TMEM244: variants seen among roughly 807,000 people sequenced by gnomAD.
TMEM244 encodes the protein putative transmembrane protein 244.
TMEM244 carries 13 observed loss-of-function variants against 15.8 expected under a neutral mutation model. The observed-to-expected ratio is 0.82, with a 90% CI of 0.53 to 1.30. TMEM244 has a LOEUF of 1.30. Ranked by LOEUF, TMEM244 falls within the 50% of genes most tolerant of loss-of-function variation. The pLI is 0.00. For missense variants in TMEM244, 161 were observed against 144.9 expected, an observed-to-expected ratio of 1.11 and a Z score of -0.57; for synonymous variants, 45 against 48.7, an observed-to-expected ratio of 0.92 and a Z score of 0.32.
At chr6:129,855,721 G>A (rs1004302530) in intron 1 of TMEM244, among the ~76,000 whole-genome samples, 5 of 152,158 alleles carry the variant, frequency 3.3e-5, no homozygotes, top group African/African-American at 1.2e-4. Flanking sequence ...AGGTAATATT[G>A]TGCATTTCCC....
Position 129,857,852 on chromosome 6 carries a change from G to GTA in TMEM244, c.33+3302_33+3303dup, listed in dbSNP as rs202092004. On this transcript the variant is annotated intron_variant, in intron 1 of 4. Coordinates refer to ENST00000368143, the MANE Select transcript of TMEM244 (RefSeq NM_001010876.2). Reference sequence around the variant, plus strand: ...TGTGTATATATATGTACATATATATGTATATATATATATCTGATCAGACAA... The same window carrying GTA: ...TGTGTATATATATGTACATATATATGTATATATATATATATCTGATCAGACAA... 9.2e-4 allele frequency among the ~76,000 whole-genome samples: 137 copies of GTA among 148,948 alleles called. 1 individual carries two copies. The highest frequency in any genetic ancestry group is 2.7e-3 in the African/African-American group (111 of 40,526).
Position 129,831,266 on chromosome 6 carries a change from AAATAT to A in TMEM244, c.*48_*52del. 1 of 1,029,852 alleles carries A rather than the reference AAATAT, an allele frequency of 9.7e-7. No individual in the cohort carries two copies. The highest frequency in any genetic ancestry group is 1.5e-6 in the Non-Finnish European group (1 of 670,938). The allele number at this position is 1,029,852 out of a possible 1,614,324, so 63.8% of individuals were successfully genotyped here. A position where few individuals can be genotyped will look rare whatever the true frequency, so the allele number is the denominator to read the frequency against. The stretch of plus-strand genomic sequence containing the variant: ...TAATTGTAAAATCTATGAGAAAATA[AAATAT>A]ATTTCCACAGTTATTCTATTTAACA... On this transcript the variant is annotated 3_prime_UTR_variant, in exon 5 of 5. Transcript: ENST00000368143.
At chr6:129,832,653 TCGGA>T (rs2114631277) in intron 4 of TMEM244, among the ~76,000 whole-genome samples, 1 of 152,274 alleles carries the variant, frequency 6.6e-6, no homozygotes, top group African/African-American at 2.4e-5. Context: ...TAGACACATG[TCGGA>T]CAATTTCTCA....
At chr6:129,831,442 A>G in intron 4 of TMEM244, 56 bp from the exon 5 acceptor site, 1 of 1,235,950 alleles carries the variant, frequency 8.1e-7, no homozygotes, top group Non-Finnish European at 1.2e-6. Flanking sequence ...ATTTTGCTCA[A>G]GAAGAAATAC....
rs1192804169 is a variant in TMEM244, at chr6:129,861,140, A to G, written c.33+16T>C. 3.7e-6 allele frequency: 6 copies of G among 1,613,598 alleles called. 1 individual carries two copies. In the South Asian group the frequency reaches 6.6e-5, roughly 18 times the overall value. The stretch of plus-strand genomic sequence containing the variant: ...CAGCAACTGAAAGGCAATGCAAAGA[A>G]GTAATTTCTCTTTACCTTGCTTGGA... On this transcript the variant is annotated intron_variant, in intron 1 of 4. Coordinates refer to ENST00000368143, the MANE Select transcript of TMEM244 (RefSeq NM_001010876.2).
At chr6:129,845,703 T>A in intron 2 of TMEM244, 64 bp downstream of exon 2, 1 of 1,173,210 alleles carries the variant, frequency 8.5e-7, no homozygotes, top group South Asian at 1.3e-5. Flanking sequence ...AAATGTTAAA[T>A]ATAAACATCT....
intron 3 of TMEM244, among the ~76,000 whole-genome samples, chr6:129,838,593 TGAA>T (rs1776441707): frequency 6.6e-6 from 1 of 152,018 alleles, no homozygotes. Flanking sequence ...AGAGCAGAAC[TGAA>T]GGAGATGGAG....
At position 129,861,104 on chromosome 6, in the gene TMEM244, C is replaced by T. The variant is rs1340762727; in HGVS notation, c.33+52G>A. 4 of 1,594,064 alleles carry T rather than the reference C, an allele frequency of 2.5e-6. No individual in the cohort carries two copies. In the African/African-American group the frequency reaches 5.4e-5, roughly 21 times the overall value. The stretch of plus-strand genomic sequence containing the variant: ...CATTTATAGAACATATTCATTTACA[C>T]CAGTGCTAGGCAGCAACTGAAAGGC... On this transcript the variant is annotated intron_variant, in intron 1 of 4. Coordinates refer to ENST00000368143, the MANE Select transcript of TMEM244 (RefSeq NM_001010876.2).
At chr6:129,840,106 G>A (rs1225331939) in intron 3 of TMEM244, among the ~76,000 whole-genome samples, 1 of 152,138 alleles carries the variant, frequency 6.6e-6, no homozygotes, top group Non-Finnish European at 1.5e-5. Context: ...AACCAAAAAA[G>A]AGCCCACATA....
rs17475422 is a variant in TMEM244, at chr6:129,849,363, C to G, written c.34-3511G>C. Reference sequence around the variant, plus strand: ...GCTTTTAGTATTTTCTTCCTCGAATCTACACCCTACAGAGCCTATGGAACA... The same window carrying G: ...GCTTTTAGTATTTTCTTCCTCGAATGTACACCCTACAGAGCCTATGGAACA... On this transcript the variant is annotated intron_variant, in intron 1 of 4. Coordinates refer to ENST00000368143, the MANE Select transcript of TMEM244 (RefSeq NM_001010876.2). 6.4e-3 allele frequency among the ~76,000 whole-genome samples: 973 copies of G among 152,284 alleles called. 11 individuals are homozygous for G. The highest frequency in any genetic ancestry group is 0.022 in the African/African-American group (920 of 41,572).
chr6:129,846,706 C>T (rs1776565142), intron 1 of TMEM244, among the ~76,000 whole-genome samples: 1 of 152,110 alleles, frequency 6.6e-6, no homozygotes, highest in Admixed American at 6.6e-5. Flanking sequence ...GTTACTTTTG[C>T]ACCAACCTAT....
chr6:129,834,826 A>G (rs1238007801), intron 3 of TMEM244, among the ~76,000 whole-genome samples: 2 of 152,158 alleles, frequency 1.3e-5, no homozygotes, highest in African/African-American at 2.4e-5. Flanking sequence ...TCTTTCCATC[A>G]CATCTCATTC....
At chr6:129,854,759 T>C (rs9321195) in intron 1 of TMEM244, among the ~76,000 whole-genome samples, 16,823 of 152,220 alleles carry the variant, frequency 0.11, 1,557 homozygotes, top group African/African-American at 0.26. Context: ...AATTTAACAA[T>C]GTTTCAAATT....
chr6:129,859,213 C>T (rs972379932), intron 1 of TMEM244, among the ~76,000 whole-genome samples: 3 of 152,220 alleles, frequency 2.0e-5, no homozygotes, highest in Non-Finnish European at 4.4e-5. Flanking sequence ...TTTTGTTCTA[C>T]TCATCTACAG....
At chr6:129,857,806 A>G (rs993516855) in intron 1 of TMEM244, among the ~76,000 whole-genome samples, 1 of 150,188 alleles carries the variant, frequency 6.7e-6, no homozygotes, top group Non-Finnish European at 1.5e-5. Context: ...TTTTATATAT[A>G]TATATACACA....
intron 2 of TMEM244, among the ~76,000 whole-genome samples, chr6:129,844,962 A>G (rs574190192): frequency 7.9e-5 from 12 of 152,242 alleles, no homozygotes; most frequent in Non-Finnish European, 1.8e-4. Flanking sequence ...GTAAATATAC[A>G]TAATGTATCT....
At chr6:129,832,700 A>G (rs1049241805) in intron 4 of TMEM244, among the ~76,000 whole-genome samples, 2 of 152,110 alleles carry the variant, frequency 1.3e-5, no homozygotes, top group Non-Finnish European at 2.9e-5. Flanking sequence ...GGTTTCCCCC[A>G]TTTTGTAGAG....
intron 1 of TMEM244, 64 bp from the exon 2 acceptor site, chr6:129,845,916 T>C (rs1248504436): frequency 9.0e-7 from 1 of 1,108,976 alleles, no homozygotes; most frequent in African/African-American, 1.6e-5. Flanking sequence ...TTGGTAACTA[T>C]TTTGACAAAA....
At chr6:129,845,095 G>A (rs111899088) in intron 2 of TMEM244, among the ~76,000 whole-genome samples, 23 of 152,120 alleles carry the variant, frequency 1.5e-4, no homozygotes, top group African/African-American at 4.3e-4. Context: ...TAAAATACAC[G>A]TATTATCCCA....
Sources: gnomAD v4.1 joint callset for allele counts (sites outside exome capture counted in the v4.1 genomes callset) on GRCh38, gnomAD v4.1.1 for gene constraint, MANE v1.5 for transcripts, NCBI Gene and HGNC (gene_info 2026-07-23, HGNC 2026-07-21) for gene names.